SLC5A4: variants seen among roughly 807,000 people sequenced by gnomAD.
The protein encoded by SLC5A4 is solute carrier family 5 member 4.
In SLC5A4, 55 loss-of-function variants were observed where a neutral mutation model predicts 70.3. That is an observed-to-expected ratio of 0.78 (90% CI 0.63 to 0.98). The LOEUF (loss-of-function observed/expected upper bound fraction) is 0.98. SLC5A4 is among the 50% of genes least tolerant of loss of function. SLC5A4 has a pLI of 0.00. For synonymous variants in SLC5A4, 268 were observed against 305.7 expected, an observed-to-expected ratio of 0.88 and a Z score of 1.29; for missense variants, 735 against 839.2, an observed-to-expected ratio of 0.88 and a Z score of 1.53.
the SLC5A4 span, among the ~76,000 whole-genome samples, chr22:32,328,001 C>A: frequency 6.6e-6 from 1 of 151,662 alleles, no homozygotes; most frequent in Non-Finnish European, 1.5e-5. Context: ...GACCTTGGAC[C>A]AGGTCCCCAA....
chr22:32,229,315 G>A lies in SLC5A4; in HGVS notation c.1159C>T (p.Leu387=), dbSNP rs1925598303. 6.2e-7 allele frequency: 1 copy of A among 1,614,058 alleles called. No individual in the cohort carries two copies. Among genetic ancestry groups the A allele is most frequent in the South Asian group, 1.1e-5 (1 of 91,080 alleles). ...GTCAGGGAGCTCATGAGAGAGGCCA[G>A]CATGACCGAAAGCATCAGGCCTCGC... ...GLRGLMLSVM[L]ASLMSSLTSI... Residue 387 remains leucine, a synonymous_variant, in exon 11 of 15, where the codon CTG becomes TTG. Coordinates refer to ENST00000266086, the MANE Select transcript of SLC5A4 (RefSeq NM_014227.3).
chr22:32,309,159 G>A, the SLC5A4 span, among the ~76,000 whole-genome samples: 16 of 134,424 alleles, frequency 1.2e-4, no homozygotes, highest in East Asian at 2.3e-3. Context: ...GCTAACATGA[G>A]GGCAGCGAGC....
chr22:32,284,785 T>C, the SLC5A4 span: 3 of 152,158 alleles, frequency 2.0e-5, no homozygotes, highest in African/African-American at 7.2e-5. Context: ...TTGTGGTAAT[T>C]GTCTTTGGAA....
At chr22:32,226,506 G>C (rs1221219852) in intron 11 of SLC5A4, among the ~76,000 whole-genome samples, 3 of 152,190 alleles carry the variant, frequency 2.0e-5, no homozygotes, top group South Asian at 2.1e-4. Context: ...AAGCAGTTGT[G>C]GGGTGGAGGA....
chr22:32,272,802 G>A, the SLC5A4 span: 18 of 511,072 alleles, frequency 3.5e-5, no homozygotes, highest in Admixed American at 1.1e-4. Flanking sequence ...AGCATATCGC[G>A]TGGTTCGCCA....
At chr22:32,298,839 AG>A in the SLC5A4 span, among the ~76,000 whole-genome samples, 1 of 113,200 alleles carries the variant, frequency 8.8e-6, no homozygotes. Context: ...AGCTCTTGTA[AG>A]GCAGGCCTGG....
intron 5 of SLC5A4, among the ~76,000 whole-genome samples, chr22:32,241,349 A>G (rs1926495823): frequency 6.6e-6 from 1 of 152,072 alleles, no homozygotes; most frequent in Admixed American, 6.6e-5. Context: ...TGCCTTTCAG[A>G]ACAGGGACCT....
the SLC5A4 span, chr22:32,273,187 A>AC: frequency 5.3e-6 from 2 of 375,842 alleles, no homozygotes; most frequent in Non-Finnish European, 5.3e-6. Flanking sequence ...AGGAATATAT[A>AC]CTTTCTGGAA....
chr22:32,313,913 C>A, the SLC5A4 span, among the ~76,000 whole-genome samples: 4 of 152,214 alleles, frequency 2.6e-5, no homozygotes, highest in African/African-American at 7.2e-5. Flanking sequence ...GTTCTGGTGG[C>A]AGCCCTGGAC....
the SLC5A4 span, among the ~76,000 whole-genome samples, chr22:32,267,803 C>T: frequency 6.6e-6 from 1 of 152,234 alleles, no homozygotes; most frequent in Non-Finnish European, 1.5e-5. Context: ...AGTATAGACA[C>T]TTTTATGACA....
the SLC5A4 span, among the ~76,000 whole-genome samples, chr22:32,335,191 G>A: frequency 6.6e-6 from 1 of 152,102 alleles, no homozygotes; most frequent in Admixed American, 6.5e-5. Context: ...TGCTTCTCTG[G>A]CTCTGCCCAG....
chr22:32,271,876 T>G, the SLC5A4 span: 1 of 597,972 alleles, frequency 1.7e-6, no homozygotes. Flanking sequence ...ACTGTGTGGC[T>G]TACCATGTGG....
At chr22:32,325,205 C>CCTGGG in the SLC5A4 span, among the ~76,000 whole-genome samples, 1 of 152,228 alleles carries the variant, frequency 6.6e-6, no homozygotes, top group Admixed American at 6.5e-5. Flanking sequence ...CTTCGCCAGG[C>CCTGGG]CTGGGCTGGG....
At chr22:32,348,469 G>A in the SLC5A4 span, among the ~76,000 whole-genome samples, 18 of 152,214 alleles carry the variant, frequency 1.2e-4, no homozygotes, top group Non-Finnish European at 1.5e-4. Flanking sequence ...GTGGAGGCCA[G>A]GAAGGAGGGG....
chr22:32,311,552 T>TA, the SLC5A4 span, among the ~76,000 whole-genome samples: 1 of 152,128 alleles, frequency 6.6e-6, no homozygotes, highest in African/African-American at 2.4e-5. Context: ...CATCTAGGCT[T>TA]ATGTGGAAGT....
chr22:32,341,085 G>C, the SLC5A4 span, among the ~76,000 whole-genome samples: 1 of 152,230 alleles, frequency 6.6e-6, no homozygotes, highest in South Asian at 2.1e-4. Context: ...CGGGGACGTG[G>C]ATGTGCCAGT....
the SLC5A4 span, chr22:32,272,786 A>G: frequency 1.2e-5 from 6 of 510,390 alleles, no homozygotes; most frequent in Non-Finnish European, 2.3e-5. Flanking sequence ...CAGTGGTGGG[A>G]GAATAAGCAT....
the SLC5A4 span, among the ~76,000 whole-genome samples, chr22:32,330,772 TG>T: frequency 3.9e-5 from 1 of 25,624 alleles, no homozygotes; most frequent in African/African-American, 1.8e-4. Context: ...GTGTATGTGT[TG>T]GGGGCTCTGG....
At chr22:32,254,619 A>G (rs1271994321) in intron 1 of SLC5A4, among the ~76,000 whole-genome samples, 2 of 152,170 alleles carry the variant, frequency 1.3e-5, no homozygotes, top group African/African-American at 4.8e-5. Flanking sequence ...CCTGGCCAAC[A>G]TGGTGAAACC....
Sources: allele counts gnomAD v4.1 joint callset (sites outside exome capture counted in the v4.1 genomes callset), GRCh38; gene constraint gnomAD v4.1.1; transcripts MANE v1.5; gene names NCBI Gene and HGNC (gene_info 2026-07-23, HGNC 2026-07-21).